SERAC1: variants seen among roughly 807,000 people sequenced by gnomAD.
The protein encoded by SERAC1 is protein SERAC1.
A neutral mutation model predicts 85.7 loss-of-function variants in SERAC1; 36 were observed. The observed-to-expected ratio is 0.42, with a 90% CI of 0.32 to 0.55. SERAC1 has a LOEUF of 0.55. SERAC1 is among the 20% of genes least tolerant of loss of function. SERAC1 has a pLI of 0.11. For missense variants in SERAC1, 629 were observed against 796.2 expected (o/e 0.79, Z 2.53); for synonymous variants, 242 against 265.3 (o/e 0.91, Z 0.85).
chr6:158,144,326 T>C lies in SERAC1; in HGVS notation c.582A>G (p.Leu194=). The change falls in exon 7 of 17, where the codon CTA becomes CTG. Residue 194 remains leucine (L), a synonymous_variant. Transcript: ENST00000647468. ...SEESDLRFFL[L]PPPLPSLKED... ...CTTTTAAAGATGGCAAAGGAGGTGG[T>C]AGGAGAAAAAAGCGAAGATCACTCT... The C allele has an allele frequency of 6.2e-7, 1 of 1,612,588 alleles. No homozygotes were observed. Among genetic ancestry groups the C allele is most frequent in the Non-Finnish European group, 8.5e-7 (1 of 1,178,934 alleles).
At chr6:158,147,768 C>CAAAAAAAA (rs71027383) in intron 5 of SERAC1, among the ~76,000 whole-genome samples, 14 of 68,944 alleles carry the variant, frequency 2.0e-4, no homozygotes, top group African/African-American at 4.2e-4. Context: ...GGCTCTGTCT[C>CAAAAAAAA]AAAAAAAAAA....
At chr6:158,131,267 G>T (rs1784665794) in intron 8 of SERAC1, among the ~76,000 whole-genome samples, 1 of 147,196 alleles carries the variant, frequency 6.8e-6, no homozygotes, top group Non-Finnish European at 1.5e-5. Flanking sequence ...TAAATACAAT[G>T]CCTCTAAAAT....
intron 4 of SERAC1, 37 bp from the exon 5 acceptor site, chr6:158,148,991 TA>T: frequency 3.7e-6 from 5 of 1,363,404 alleles, no homozygotes; most frequent in Non-Finnish European, 5.0e-6. Context: ...ACCAAGAATG[TA>T]TTTTTTTTTT....
chr6:158,135,706 A>G (rs540651511), intron 8 of SERAC1, among the ~76,000 whole-genome samples: 12 of 152,362 alleles, frequency 7.9e-5, no homozygotes, highest in African/African-American at 2.9e-4. Context: ...GCTCAGGCAG[A>G]AAAATATTAA....
intron 1 of SERAC1, chr6:158,161,117 C>A (rs1226053900): frequency 6.6e-6 from 1 of 152,208 alleles, no homozygotes; most frequent in Non-Finnish European, 1.5e-5. Context: ...GTGACTCATG[C>A]CTGCAATCCC....
rs1784404049 is a variant in SERAC1 at position 158,120,880 on chromosome 6, T to G, written c.1016-305A>C. 2.0e-5 allele frequency among the ~76,000 whole-genome samples: 3 copies of G among 152,164 alleles called. No homozygotes were observed. Among genetic ancestry groups the G allele is most frequent in the African/African-American group, 7.2e-5 (3 of 41,426 alleles). On this transcript the variant is annotated intron_variant, in intron 10 of 16. Transcript: ENST00000647468. The surrounding 1 kb of genome is among the most constrained non-coding windows in gnomAD (Gnocchi z 4.4). ...GGTGTTCATAGCAGTTATAGAGGTG[T>G]TCACAAAAGTGAACAAAATACCATG... is the stretch of plus-strand genomic sequence containing the variant.
chr6:158,123,412 T>C (rs1286252985), intron 10 of SERAC1, among the ~76,000 whole-genome samples: 1 of 151,866 alleles, frequency 6.6e-6, no homozygotes, highest in Admixed American at 6.6e-5. Flanking sequence ...AAGAACAGGG[T>C]TTGGTTTTTG....
intron 6 of SERAC1, among the ~76,000 whole-genome samples, chr6:158,145,616 G>A (rs1195797657): frequency 1.3e-5 from 2 of 151,300 alleles, no homozygotes; most frequent in East Asian, 3.9e-4. Flanking sequence ...CACCTCGTGG[G>A]TTCGCAATTC....
At position 158,128,257 on chromosome 6, in the gene SERAC1, C is replaced by G; in HGVS notation, c.866G>C (p.Cys289Ser). The G allele has an allele frequency of 1.2e-6, 2 of 1,613,814 alleles. No individual in the cohort carries two copies. Among genetic ancestry groups the G allele is most frequent in the African/African-American group, 2.7e-5 (2 of 75,004 alleles). Residue 289 changes from cysteine (C) to serine (S), a missense_variant, in exon 10 of 17, where the codon TGT becomes TCT. Transcript: ENST00000647468. ...IVKHSEISTHCDKIEANGGLQ... is the reference protein window; with the variant it reads ...IVKHSEISTHSDKIEANGGLQ... ...GCCTCCATTTGCTTCGATTTTATCA[C>G]AATGTGTGGATATCTGGCACAATAA...
intron 8 of SERAC1, among the ~76,000 whole-genome samples, chr6:158,133,023 C>T (rs1484861406): frequency 1.3e-5 from 2 of 152,092 alleles, no homozygotes; most frequent in African/African-American, 4.8e-5. Context: ...AGAGTAGGTA[C>T]AGGCCGAGCG....
At chr6:158,121,060 G>A (rs1784410101) in intron 10 of SERAC1, among the ~76,000 whole-genome samples, 1 of 152,010 alleles carries the variant, frequency 6.6e-6, no homozygotes, top group Non-Finnish European at 1.5e-5. Context: ...CTGGAGATCA[G>A]GAAGGAAAAA....
chr6:158,109,854 T>C lies in SERAC1; in HGVS notation c.*1512A>G, dbSNP rs1388013339. On this transcript the variant is annotated 3_prime_UTR_variant, in exon 17 of 17. Transcript: ENST00000647468. ...AGTAGTACTGATACATGCTATATCA[T>C]GAATGAACCTTGAAAACATGCTAAT... 1 of 152,000 alleles carries C rather than the reference T, an allele frequency of 6.6e-6. No individual in the cohort carries two copies. The highest frequency in any genetic ancestry group is 1.5e-5 in the Non-Finnish European group (1 of 67,994). 9.4% of individuals were successfully genotyped at this position (152,000 alleles called of 1,614,324 possible).
At chr6:158,146,694 G>C (rs1785068194) in intron 6 of SERAC1, 88 bp downstream of exon 6, 6 of 1,534,044 alleles carry the variant, frequency 3.9e-6, no homozygotes, top group Non-Finnish European at 4.4e-6. Flanking sequence ...ACAGGCGTGA[G>C]CCACCGCACC....
chr6:158,151,954 G>A (rs958080524), intron 3 of SERAC1, among the ~76,000 whole-genome samples: 4 of 151,980 alleles, frequency 2.6e-5, no homozygotes, highest in South Asian at 2.1e-4. Flanking sequence ...TCTCAACCAC[G>A]TTGCCCAGGC....
intron 12 of SERAC1, 45 bp downstream of exon 12, chr6:158,118,984 A>C (rs752360094): frequency 6.4e-7 from 1 of 1,573,290 alleles, no homozygotes; most frequent in Admixed American, 1.9e-5. Flanking sequence ...GGGCCCCAGC[A>C]ACCAGGGCCC....
At chr6:158,125,089 C>A (rs2128414018) in intron 10 of SERAC1, among the ~76,000 whole-genome samples, 1 of 152,230 alleles carries the variant, frequency 6.6e-6, no homozygotes, top group African/African-American at 2.4e-5. Context: ...AATGTGTCCC[C>A]TCCAAAATTC....
At chr6:158,162,724 A>G (rs1331395486) in intron 1 of SERAC1, among the ~76,000 whole-genome samples, 1 of 152,180 alleles carries the variant, frequency 6.6e-6, no homozygotes, top group South Asian at 2.1e-4. Context: ...TTAGACTATC[A>G]TTCGATCCAT....
At chr6:158,152,389 G>A (rs759897700) in intron 3 of SERAC1, among the ~76,000 whole-genome samples, 1 of 152,124 alleles carries the variant, frequency 6.6e-6, no homozygotes, top group Non-Finnish European at 1.5e-5. Context: ...GGTGGCGGGC[G>A]CCTGTAATCC....
intron 5 of SERAC1, among the ~76,000 whole-genome samples, chr6:158,147,768 C>CAAAAAAAAAA (rs71027383): frequency 1.0e-4 from 7 of 68,934 alleles, no homozygotes; most frequent in African/African-American, 4.2e-4. Context: ...GGCTCTGTCT[C>CAAAAAAAAAA]AAAAAAAAAA....
Sources: gnomAD v4.1 joint callset for allele counts (sites outside exome capture counted in the v4.1 genomes callset) on GRCh38, gnomAD v4.1.1 for gene constraint, Gnocchi (gnomAD v3.1) non-coding constraint, MANE v1.5 for transcripts, NCBI Gene and HGNC (gene_info 2026-07-23, HGNC 2026-07-21) for gene names.